The following FHDC1 variants were observed in gnomAD, a reference collection of about 807,000 sequenced individuals.
FHDC1 encodes FH2 domain-containing protein 1.
FHDC1 carries 25 observed loss-of-function variants against 52.6 expected under a neutral mutation model. The observed-to-expected ratio is 0.48, with a 90% confidence interval of 0.35 to 0.66. FHDC1 has a LOEUF of 0.66. Ranked by LOEUF, FHDC1 falls within the 30% of genes least tolerant of loss-of-function variation. FHDC1 has a pLI of 0.01. For synonymous variants in FHDC1, 616 were observed against 581.5 expected, an observed-to-expected ratio of 1.06 and a Z score of -0.85; for missense variants, 1,459 against 1,452.8, an observed-to-expected ratio of 1.00 and a Z score of -0.07.
At chr4:152,956,632 C>T (rs2149948340) in intron 4 of FHDC1, among the ~76,000 whole-genome samples, 1 of 152,232 alleles carries the variant, frequency 6.6e-6, no homozygotes, top group South Asian at 2.1e-4. Context: ...GACTCTGTCA[C>T]CCCCAGTTAG....
At chr4:152,941,819 C>T (rs940440631) in intron 1 of FHDC1, among the ~76,000 whole-genome samples, 2 of 152,066 alleles carry the variant, frequency 1.3e-5, no homozygotes, top group African/African-American at 2.4e-5. Flanking sequence ...CCCCGAAGTG[C>T]CGTGTAAAAA....
intron 4 of FHDC1, among the ~76,000 whole-genome samples, chr4:152,957,357 T>C (rs1394427824): frequency 6.6e-6 from 1 of 152,202 alleles, no homozygotes; most frequent in South Asian, 2.1e-4. Context: ...TTGTGTATTT[T>C]TCATTTAATC....
Position 152,977,870 on chromosome 4 carries a change from C to T in FHDC1, c.*1147C>T, listed in dbSNP as rs950407866. The T allele has an allele frequency of 1.3e-5, 2 of 152,238 alleles. No individual in the cohort carries two copies. Among genetic ancestry groups the T allele is most frequent in the African/African-American group, 2.4e-5 (1 of 41,446 alleles). The allele number at this position is 152,238 out of a possible 1,614,324, so 9.4% of individuals were successfully genotyped here. A position where few individuals can be genotyped will look rare whatever the true frequency, so the allele number is the denominator to read the frequency against. Reference sequence around the variant, plus strand: ...GACTTCCCCATAAGCCTTGGGTATCCTGTGATGGGCTGTGTCTCCCTGAAG... The same window carrying T: ...GACTTCCCCATAAGCCTTGGGTATCTTGTGATGGGCTGTGTCTCCCTGAAG... On this transcript the variant is annotated 3_prime_UTR_variant, in exon 12 of 12. Coordinates refer to ENST00000511601, the MANE Select transcript of FHDC1 (RefSeq NM_001371116.1).
rs3811833 is a variant in FHDC1 at position 152,975,206 on chromosome 4, C to T, written c.1915C>T (p.Arg639Cys). ...TGCCTCTGCCTTCCCCAGAGCTCGGCGCCAGGGCGTCAGTGTCCTCCGAAA... is the reference window on the plus strand; with the variant it reads ...TGCCTCTGCCTTCCCCAGAGCTCGGTGCCAGGGCGTCAGTGTCCTCCGAAA... ...NHASAFPRAR[R>C]QGVSVLRKRY... Residue 639 changes from arginine to cysteine, a missense_variant, in exon 12 of 12, where the codon CGC (arginine) becomes TGC (cysteine). Physicochemically the swap from Arg to Cys is radical, Grantham distance 180. Around this residue, in one of 3 missense-constraint regions of FHDC1, gnomAD observed 939 missense variants for 854.5 expected, o/e 1.10. Coordinates refer to ENST00000511601, the MANE Select transcript of FHDC1 (RefSeq NM_001371116.1). 0.7 allele frequency: 1,131,081 copies of T among 1,613,014 alleles called. 409,603 individuals are homozygous for T. The highest frequency in any genetic ancestry group is 0.75 in the Non-Finnish European group (885,453 of 1,179,946).
chr4:152,936,976 C>G (rs935753083), intron 1 of FHDC1, among the ~76,000 whole-genome samples: 2 of 152,236 alleles, frequency 1.3e-5, no homozygotes, highest in East Asian at 1.9e-4. Flanking sequence ...CTTCTCGCCC[C>G]GACAAACTTG....
chr4:152,968,580 TG>T (rs1241177358), intron 10 of FHDC1, among the ~76,000 whole-genome samples: 1 of 152,150 alleles, frequency 6.6e-6, no homozygotes, highest in African/African-American at 2.4e-5. Flanking sequence ...CCGCACTCAC[TG>T]GGCCTCCCAA....
chr4:152,932,503 G>T (rs1739270943), upstream of FHDC1, among the ~76,000 whole-genome samples: 1 of 151,992 alleles, frequency 6.6e-6, no homozygotes. Flanking sequence ...TTTTGCACTT[G>T]CCACTCTTTG....
rs1429569688 is a variant in FHDC1 at position 152,949,113 on chromosome 4, A to G, written c.499-4386A>G. Reference sequence around the variant, plus strand: ...CAGTAATAATAATAATAATAATAATAATAATAATAATAAGAAGAAGAAGAA... The same window carrying G: ...CAGTAATAATAATAATAATAATAATGATAATAATAATAAGAAGAAGAAGAA... On this transcript the variant is annotated intron_variant, in intron 2 of 11. Coordinates refer to ENST00000511601, the MANE Select transcript of FHDC1 (RefSeq NM_001371116.1). 1.1e-3 allele frequency among the ~76,000 whole-genome samples: 82 copies of G among 74,090 alleles called. 1 individual carries two copies. The highest frequency in any genetic ancestry group is 3.8e-3 in the African/African-American group (77 of 20,284). 48.6% of individuals were successfully genotyped at this position (74,090 alleles called of 152,430 possible).
At chr4:152,914,592 G>A in the FHDC1 span, among the ~76,000 whole-genome samples, 1 of 152,138 alleles carries the variant, frequency 6.6e-6, no homozygotes, top group Non-Finnish European at 1.5e-5. Context: ...TTTTGTTTGG[G>A]TCCAAGCTAG....
the FHDC1 span, chr4:152,918,446 T>C: frequency 6.6e-6 from 1 of 152,254 alleles, no homozygotes; most frequent in Non-Finnish European, 1.5e-5. Flanking sequence ...GGAAACGTGT[T>C]AGCCCAAGCC....
chr4:152,925,890 G>A, the FHDC1 span, among the ~76,000 whole-genome samples: 1 of 144,594 alleles, frequency 6.9e-6, no homozygotes, highest in Non-Finnish European at 1.5e-5. Context: ...AGGAGGAGGA[G>A]GAGGAGGGAG....
At chr4:152,943,647 C>G (rs561780046) in intron 2 of FHDC1, 92 bp downstream of exon 2, 1 of 1,411,268 alleles carries the variant, frequency 7.1e-7, no homozygotes, top group East Asian at 2.3e-5. Flanking sequence ...GCTAGACACC[C>G]CTAAGAAATG....
At chr4:152,928,081 C>T in the FHDC1 span, 1 of 1,346,354 alleles carries the variant, frequency 7.4e-7, no homozygotes, top group Non-Finnish European at 1.1e-6. Context: ...TCAGCATCCT[C>T]CCAGGCCTGT....
intron 2 of FHDC1, among the ~76,000 whole-genome samples, chr4:152,952,080 A>G (rs1372506807): frequency 3.9e-5 from 6 of 152,248 alleles, no homozygotes; most frequent in Admixed American, 3.9e-4. Flanking sequence ...GGTGAAATGT[A>G]TACAGCACAA....
the FHDC1 span, among the ~76,000 whole-genome samples, chr4:152,925,305 A>T: frequency 4.6e-5 from 7 of 152,316 alleles, no homozygotes; most frequent in African/African-American, 1.2e-4. Flanking sequence ...TGTATTAGAC[A>T]TGCAGACAGA....
At chr4:152,960,918 G>T in intron 6 of FHDC1, 74 bp downstream of exon 6, 2 of 1,090,724 alleles carry the variant, frequency 1.8e-6, no homozygotes, top group South Asian at 1.7e-5. Context: ...AAAGCCAAAT[G>T]AAATTGGACA....
chr4:152,965,483 A>G (rs1458964719), intron 9 of FHDC1, among the ~76,000 whole-genome samples: 1 of 152,246 alleles, frequency 6.6e-6, no homozygotes, highest in Admixed American at 6.5e-5. Context: ...TCTGCCAAAC[A>G]TAAGGCTCTA....
chr4:152,933,887 A>G (rs778187986), upstream of FHDC1, among the ~76,000 whole-genome samples: 14 of 152,064 alleles, frequency 9.2e-5, no homozygotes, highest in Non-Finnish European at 1.9e-4. Flanking sequence ...TTCCTGTAGG[A>G]GCACATGGGA....
chr4:152,957,831 G>T (rs1284810731), intron 4 of FHDC1, among the ~76,000 whole-genome samples: 30 of 152,120 alleles, frequency 2.0e-4, no homozygotes, highest in Admixed American at 2.0e-3. Flanking sequence ...TCTAATAGAG[G>T]TTCACACTTG....
Sources: gnomAD v4.1 joint callset for allele counts (sites outside exome capture counted in the v4.1 genomes callset) on GRCh38, gnomAD v4.1.1 for gene constraint, gnomAD v4.1.1 regional missense constraint, MANE v1.5 for transcripts, NCBI Gene and HGNC (gene_info 2026-07-23, HGNC 2026-07-21) for gene names.